ABCA1: variants seen among roughly 807,000 people sequenced by gnomAD.
The protein encoded by ABCA1 is ATP binding cassette subfamily A member 1, also known as phospholipid-transporting ATPase ABCA1.
In ABCA1, 133 loss-of-function variants were observed where a neutral mutation model predicts 262.5. That is an observed-to-expected ratio of 0.51 (90% CI 0.44 to 0.59). The LOEUF (loss-of-function observed/expected upper bound fraction) is 0.59, where lower values mean the gene tolerates loss of function less well. Ranked by LOEUF, ABCA1 falls within the 20% of genes least tolerant of loss-of-function variation. The pLI is 0.00. For missense variants in ABCA1, 2,452 were observed against 2,777.5 expected, an observed-to-expected ratio of 0.88 and a Z score of 2.63; for synonymous variants, 1,022 against 1,043.5, an observed-to-expected ratio of 0.98 and a Z score of 0.40.
intron 28 of ABCA1, among the ~76,000 whole-genome samples, chr9:104,811,338 T>TA (rs1222784529): frequency 1.1e-4 from 17 of 152,216 alleles, no homozygotes; most frequent in East Asian, 7.7e-4. Context: ...AGCACAAGTG[T>TA]ACCCATGTGA....
chr9:104,888,487 A>G (rs1304039279), intron 3 of ABCA1, among the ~76,000 whole-genome samples: 1 of 152,202 alleles, frequency 6.6e-6, no homozygotes, highest in East Asian at 1.9e-4. Flanking sequence ...AGAAACTTAA[A>G]TCACTTGTCC....
chr9:104,825,798 C>T lies in ABCA1; in HGVS notation c.2427G>A (p.Leu809=), dbSNP rs772353025. 1.9e-6 allele frequency: 3 copies of T among 1,614,084 alleles called. No homozygotes were observed. The highest frequency in any genetic ancestry group is 1.1e-5 in the South Asian group (1 of 91,090). ...EQGIGVQWDN[L]FESPVEEDGF... is the part of the protein sequence containing the mutation. ...CATCTTCCTCCACAGGACTCTCAAA[C>T]AGGTTGTCCCACTGCACTCCAATGC... The change falls in exon 17 of 50, where the codon CTG becomes CTA. Residue 809 remains leucine (L), a synonymous_variant. Transcript: ENST00000374736.
rs1250370138 is a variant in ABCA1, at chr9:104,831,036, G to A, written c.1781C>T (p.Ala594Val). The A allele has an allele frequency of 1.2e-6, 2 of 1,613,634 alleles. No individual in the cohort carries two copies. Among genetic ancestry groups the A allele is most frequent in the East Asian group, 2.2e-5 (1 of 44,828 alleles). ...CTGCTCCACCACATCCTGCAAGTAG[G>A]CGAAGCCCCCCCAGACGTACCGCAT... Reference protein sequence around the residue: ...EDMRYVWGGFAYLQDVVEQAI... With the variant: ...EDMRYVWGGFVYLQDVVEQAI... Residue 594 changes from alanine to valine, a missense_variant, in exon 14 of 50, where the codon GCC becomes GTC. Physicochemically the swap from Ala to Val is moderately conservative, Grantham distance 64 (BLOSUM62 0). This residue lies in a region of ABCA1 where 1,032 missense variants were observed against 1,089.7 expected (regional missense o/e 0.95). Transcript: ENST00000374736.
chr9:104,791,474 A>C (rs1264283042), intron 43 of ABCA1, among the ~76,000 whole-genome samples: 4 of 151,316 alleles, frequency 2.6e-5, no homozygotes, highest in Non-Finnish European at 5.9e-5. Context: ...TCACTCTGTC[A>C]CCAGGCTGGA....
intron 1 of ABCA1, among the ~76,000 whole-genome samples, chr9:104,904,988 T>C (rs1239515784): frequency 2.0e-5 from 3 of 152,152 alleles, no homozygotes; most frequent in Non-Finnish European, 4.4e-5. Context: ...TACCCTTATT[T>C]AATGCTGGAA....
At position 104,785,620 on chromosome 9, in the gene ABCA1, T is replaced by C. The variant is rs1279708556; in HGVS notation, c.6421A>G (p.Ile2141Val). The C allele has an allele frequency of 1.1e-5, 17 of 1,614,036 alleles. No homozygotes were observed. The highest frequency in any genetic ancestry group is 1.4e-5 in the Non-Finnish European group (17 of 1,179,972). Residue 2141 changes from isoleucine (I) to valine (V), a missense_variant, in exon 49 of 50, where the codon ATA (isoleucine) becomes GTA (valine). By Grantham distance (29) the Ile-to-Val change is conservative. Transcript: ENST00000374736. ...LKNRFGDGYT[I>V]VVRIAGSNPD... ...TTGGACCCTGCTATTCGTACAACTA[T>C]TGTATAACCATCTCCAAACCTGAAA...
chr9:104,796,687 T>G (rs1829923391), intron 37 of ABCA1, among the ~76,000 whole-genome samples: 1 of 152,214 alleles, frequency 6.6e-6, no homozygotes, highest in Admixed American at 6.5e-5. Context: ...GTAAACTTAC[T>G]GAACGATGGA....
intron 34 of ABCA1, 22 bp downstream of exon 34, chr9:104,802,032 C>T (rs750399481): frequency 6.2e-7 from 1 of 1,610,096 alleles, no homozygotes; most frequent in East Asian, 2.2e-5. Flanking sequence ...TTTTCTGATA[C>T]ATCTTACGAT....
At chr9:104,824,412 G>C in intron 18 of ABCA1, 53 bp downstream of exon 18, 1 of 1,611,738 alleles carries the variant, frequency 6.2e-7, no homozygotes, top group Non-Finnish European at 8.5e-7. Flanking sequence ...CCAACAGTTA[G>C]CAGAGGCAGC....
intron 5 of ABCA1, among the ~76,000 whole-genome samples, chr9:104,864,213 G>T (rs922518312): frequency 5.9e-5 from 9 of 152,134 alleles, no homozygotes; most frequent in African/African-American, 1.9e-4. Context: ...GGCTGACAAG[G>T]TTCCAAAAGT....
At position 104,817,841 on chromosome 9, in the gene ABCA1, C is replaced by T. The variant is rs772195237; in HGVS notation, c.3463-437G>A. 8.5e-5 allele frequency among the ~76,000 whole-genome samples: 13 copies of T among 152,202 alleles called. No individual in the cohort carries two copies. The highest frequency in any genetic ancestry group is 1.8e-4 in the Non-Finnish European group (12 of 68,042). On this transcript the variant is annotated intron_variant, in intron 23 of 49. Coordinates refer to ENST00000374736, the MANE Select transcript of ABCA1 (RefSeq NM_005502.4). The surrounding 1 kb of genome is among the most constrained non-coding windows in gnomAD (Gnocchi z 4.7). ...GGTTGCTGAATTTCTAACAAGTTCC[C>T]AAGTGATCCTGATGCTGCTGGTCCT...
At chr9:104,894,064 C>T (rs1839997380) in intron 2 of ABCA1, among the ~76,000 whole-genome samples, 1 of 152,194 alleles carries the variant, frequency 6.6e-6, no homozygotes, top group Non-Finnish European at 1.5e-5. Flanking sequence ...CCATAAGAAA[C>T]TGCACCAATG....
intron 14 of ABCA1, among the ~76,000 whole-genome samples, chr9:104,829,388 CTG>C (rs909406636): frequency 1.1e-3 from 173 of 152,206 alleles, no homozygotes; most frequent in African/African-American, 4.0e-3. Context: ...AACTAGGTAA[CTG>C]TGAGCGATAC....
chr9:104,798,198 T>C (rs773484140), intron 37 of ABCA1, among the ~76,000 whole-genome samples: 1 of 152,258 alleles, frequency 6.6e-6, no homozygotes, highest in Non-Finnish European at 1.5e-5. Context: ...TTAATTTTCA[T>C]CATTGTGTAC....
chr9:104,827,617 C>T (rs1162624663), intron 15 of ABCA1, among the ~76,000 whole-genome samples: 4 of 152,208 alleles, frequency 2.6e-5, no homozygotes. Flanking sequence ...TGCATTCCCA[C>T]AATCATCCAA....
chr9:104,848,261 C>T (rs1835066784), intron 7 of ABCA1, among the ~76,000 whole-genome samples: 1 of 152,124 alleles, frequency 6.6e-6, no homozygotes, highest in South Asian at 2.1e-4. Flanking sequence ...GACTGGGATT[C>T]ACTAACACTG....
rs189973510 is a variant in ABCA1, at chr9:104,894,143, T to C, written c.67-4948A>G. On this transcript the variant is annotated intron_variant, in intron 2 of 49. Transcript: ENST00000374736. ...CCATCATGCTGCCATCACAAAGCTA[T>C]GTTTAGGACATATACCTTTTAAGAT... Among the ~76,000 whole-genome samples, 683 of 152,334 alleles carry C rather than the reference T, an allele frequency of 4.5e-3. 1 individual carries two copies. The highest frequency in any genetic ancestry group is 7.9e-3 in the Non-Finnish European group (536 of 68,038).
intron 6 of ABCA1, among the ~76,000 whole-genome samples, chr9:104,859,391 G>A (rs4149287): frequency 0.044 from 6,462 of 146,682 alleles, 365 homozygotes; most frequent in East Asian, 0.3. Context: ...TGGTCCAGTG[G>A]ACCACAAGCT....
Position 104,783,934 on chromosome 9 carries a change from T to C in ABCA1, c.*381A>G, listed in dbSNP as rs1828688431. 1 of 190,736 alleles carries C rather than the reference T, an allele frequency of 5.2e-6. No individual in the cohort carries two copies. The highest frequency in any genetic ancestry group is 1.1e-5 in the Non-Finnish European group (1 of 91,636). 11.8% of individuals were successfully genotyped at this position (190,736 alleles called of 1,614,324 possible). ...ATTACCTTTTGATTTTGATCAATAA[T>C]CGCTGGCCATGATTACTTGATGAAT... On this transcript the variant is annotated 3_prime_UTR_variant, in exon 50 of 50. Transcript: ENST00000374736.
Sources: allele counts gnomAD v4.1 joint callset (sites outside exome capture counted in the v4.1 genomes callset), GRCh38; gene constraint gnomAD v4.1.1; regional missense constraint gnomAD v4.1.1; non-coding constraint Gnocchi (gnomAD v3.1); transcripts MANE v1.5; gene names NCBI Gene and HGNC (gene_info 2026-07-23, HGNC 2026-07-21).